CAP2: variants seen among roughly 807,000 people sequenced by gnomAD.
The protein encoded by CAP2 is cyclase associated actin cytoskeleton regulatory protein 2.
In CAP2, 24 loss-of-function variants were observed where a neutral mutation model predicts 57.7. The observed-to-expected ratio is 0.42, with a 90% CI of 0.30 to 0.58. The LOEUF (loss-of-function observed/expected upper bound fraction) is 0.58, where lower values mean the gene tolerates loss of function less well. Among genes scored for constraint, CAP2 ranks in the 20% least tolerant of loss-of-function variants. The pLI, the probability that CAP2 is intolerant of heterozygous loss-of-function variation, is 0.22. For missense variants in CAP2, 501 were observed against 590.3 expected (o/e 0.85, Z 1.57); for synonymous variants, 194 against 207.2 (o/e 0.94, Z 0.55).
At chr6:17,447,684 G>A (rs1760298810) in intron 3 of CAP2, among the ~76,000 whole-genome samples, 1 of 152,192 alleles carries the variant, frequency 6.6e-6, no homozygotes, top group South Asian at 2.1e-4. Context: ...TTTTTGAAGA[G>A]ACTGGGTTTC....
chr6:17,534,741 C>T (rs1322255872), intron 7 of CAP2, among the ~76,000 whole-genome samples: 1 of 152,194 alleles, frequency 6.6e-6, no homozygotes, highest in East Asian at 1.9e-4. Flanking sequence ...TGATCTGATC[C>T]TTTCCTTCTC....
chr6:17,533,706 C>A (rs1388826778), intron 7 of CAP2, among the ~76,000 whole-genome samples: 1 of 151,846 alleles, frequency 6.6e-6, no homozygotes, highest in Non-Finnish European at 1.5e-5. Context: ...GTAGCTGGGA[C>A]AACAGGCGTG....
At chr6:17,462,653 T>C (rs1202146612) in intron 3 of CAP2, among the ~76,000 whole-genome samples, 3 of 152,218 alleles carry the variant, frequency 2.0e-5, no homozygotes, top group Non-Finnish European at 2.9e-5. Flanking sequence ...ATCATACAAA[T>C]GTACTCTTTT....
chr6:17,542,687 G>C (rs1762933337), intron 9 of CAP2, 150 bp from the exon 10 acceptor site: 1 of 662,888 alleles, frequency 1.5e-6, no homozygotes, highest in Non-Finnish European at 2.6e-6. Flanking sequence ...CAATGACAGA[G>C]TAAGACCTGT....
chr6:17,511,663 AG>A (rs1001453007), intron 6 of CAP2, among the ~76,000 whole-genome samples: 1 of 152,164 alleles, frequency 6.6e-6, no homozygotes, highest in African/African-American at 2.4e-5. Context: ...CATGTTGGTC[AG>A]GCTGGTCTCA....
At chr6:17,517,105 C>A (rs1028430022) in intron 7 of CAP2, among the ~76,000 whole-genome samples, 3 of 152,096 alleles carry the variant, frequency 2.0e-5, no homozygotes, top group African/African-American at 2.4e-5. Flanking sequence ...TGTTGTACAG[C>A]CATGTATCAT....
chr6:17,541,223 G>C (rs1762892632), intron 9 of CAP2, 75 bp downstream of exon 9: 1 of 1,143,728 alleles, frequency 8.7e-7, no homozygotes, highest in East Asian at 2.4e-5. Flanking sequence ...CATTTACCAA[G>C]ATCTGAAGGA....
intron 7 of CAP2, among the ~76,000 whole-genome samples, chr6:17,532,954 A>G (rs2113690169): frequency 6.7e-6 from 1 of 150,164 alleles, no homozygotes; most frequent in Middle Eastern, 3.4e-3. Flanking sequence ...AATCCCAGCT[A>G]CTCGGGAGGC....
chr6:17,524,250 A>C (rs1581594142), intron 7 of CAP2, among the ~76,000 whole-genome samples: 1 of 152,214 alleles, frequency 6.6e-6, no homozygotes, highest in African/African-American at 2.4e-5. Flanking sequence ...TCAATAGAAT[A>C]GGTGAAAAAT....
intron 3 of CAP2, among the ~76,000 whole-genome samples, chr6:17,457,652 T>C (rs1438544260): frequency 6.6e-6 from 1 of 152,174 alleles, no homozygotes; most frequent in Non-Finnish European, 1.5e-5. Context: ...GAAGCAGATA[T>C]CTCAATATTG....
chr6:17,553,026 C>T (rs925341273), intron 12 of CAP2, among the ~76,000 whole-genome samples: 1 of 152,160 alleles, frequency 6.6e-6, no homozygotes, highest in African/African-American at 2.4e-5. Flanking sequence ...CTCTCTTGGG[C>T]CCTCCACCTA....
chr6:17,477,477 A>G (rs1008977255), intron 4 of CAP2, among the ~76,000 whole-genome samples: 15 of 152,230 alleles, frequency 9.9e-5, no homozygotes, highest in Admixed American at 9.2e-4. Flanking sequence ...GCCAGACCCC[A>G]GATATTTAAG....
rs189998558 is a variant in CAP2 at position 17,476,909 on chromosome 6, C to T, written c.300+13836C>T. ...TTTTTTGAGATGGAATCTCGCTCTG[C>T]TGCCCAGGCTGGAGTGCAGTGGCGC... On this transcript the variant is annotated intron_variant, in intron 4 of 12. Transcript: ENST00000229922. 5.0e-3 allele frequency among the ~76,000 whole-genome samples: 619 copies of T among 123,114 alleles called. 5 individuals carry two copies. The highest frequency in any genetic ancestry group is 0.019 in the African/African-American group (581 of 30,706). The allele number at this position is 123,114 out of a possible 152,430, so 80.8% of individuals were successfully genotyped here. A position where few individuals can be genotyped will look rare whatever the true frequency, so the allele number is the denominator to read the frequency against.
chr6:17,412,713 G>GAGTA (rs995491154), intron 1 of CAP2, among the ~76,000 whole-genome samples: 1 of 151,944 alleles, frequency 6.6e-6, no homozygotes, highest in East Asian at 1.9e-4. Flanking sequence ...AAATGTCAGG[G>GAGTA]AGTAAGTATT....
intron 3 of CAP2, among the ~76,000 whole-genome samples, chr6:17,432,961 C>A (rs71556109): frequency 7.8e-6 from 1 of 128,696 alleles, no homozygotes; most frequent in Non-Finnish European, 1.6e-5. Context: ...CCCTCCCTCT[C>A]TCCCCCCTCC....
intron 6 of CAP2, 106 bp downstream of exon 6, chr6:17,507,832 CTAATG>C (rs1415513690): frequency 3.2e-5 from 21 of 658,956 alleles, no homozygotes; most frequent in Non-Finnish European, 5.5e-5. Context: ...AGGCTCTACA[CTAATG>C]TACTATAAAC....
At chr6:17,550,162 A>T (rs1399286482) in intron 11 of CAP2, among the ~76,000 whole-genome samples, 1 of 152,050 alleles carries the variant, frequency 6.6e-6, no homozygotes, top group Non-Finnish European at 1.5e-5. Flanking sequence ...TGAGGTCAGG[A>T]GTTCGAGACA....
At chr6:17,444,707 G>T in intron 3 of CAP2, among the ~76,000 whole-genome samples, 1 of 147,308 alleles carries the variant, frequency 6.8e-6, no homozygotes. Context: ...GTGAAATATT[G>T]AGAAACATAG....
At position 17,532,790 on chromosome 6, in the gene CAP2, G is replaced by A. The variant is rs573606152; in HGVS notation, c.637-6479G>A. Among the ~76,000 whole-genome samples the A allele has an allele frequency of 1.1e-3, 158 of 150,280 alleles. 2 individuals are homozygous for A. Among genetic ancestry groups the A allele is most frequent in the South Asian group, 8.8e-3 (42 of 4,746 alleles). The stretch of plus-strand genomic sequence containing the variant: ...AAAAAACTGGAAGTGTTGGCCAGGC[G>A]TGGTGGCTCACGCCTGTAATCCCAG... On this transcript the variant is annotated intron_variant, in intron 7 of 12. Transcript: ENST00000229922.
Sources: gnomAD v4.1 joint callset for allele counts (sites outside exome capture counted in the v4.1 genomes callset) on GRCh38, gnomAD v4.1.1 for gene constraint, MANE v1.5 for transcripts, NCBI Gene and HGNC (gene_info 2026-07-23, HGNC 2026-07-21) for gene names.